Variants in THSD7A observed in about 807,000 individuals in gnomAD.
The protein encoded by THSD7A is thrombospondin type-1 domain-containing protein 7A.
Under a neutral mutation model 231.3 loss-of-function variants are expected in THSD7A, and 96 were observed. The ratio of observed to expected loss-of-function variants is 0.41; its 90% CI spans 0.35 to 0.49. THSD7A has a LOEUF of 0.49. Ranked by LOEUF, THSD7A falls within the 20% of genes least tolerant of loss-of-function variation. The pLI is 0.05. For synonymous variants in THSD7A, 940 were observed against 743.3 expected (o/e 1.26, Z -4.30); for missense variants, 2,290 against 2,070.2 (o/e 1.11, Z -2.06).
In THSD7A at chr7:11,742,194, C is replaced by T. The variant is rs1460007161; in HGVS notation, c.190+89563G>A. On this transcript the variant is annotated intron_variant, in intron 1 of 27. Coordinates refer to ENST00000423059, the MANE Select transcript of THSD7A (RefSeq NM_015204.3). ...CAGTGGAAGTTGTCATATTCAGAGGCAGTATAAGAACAGATATAAATGGAA... is the reference window on the plus strand; with the variant it reads ...CAGTGGAAGTTGTCATATTCAGAGGTAGTATAAGAACAGATATAAATGGAA... Among the ~76,000 whole-genome samples, 7 of 151,888 alleles carry T rather than the reference C, an allele frequency of 4.6e-5. No homozygotes were observed. In the South Asian group the frequency reaches 1.5e-3, roughly 31 times the overall value.
chr7:11,624,504 G>T (rs1781417893), intron 2 of THSD7A, among the ~76,000 whole-genome samples: 1 of 152,048 alleles, frequency 6.6e-6, no homozygotes, highest in African/African-American at 2.4e-5. Flanking sequence ...TAAAAATGAG[G>T]TTTGACTTGG....
chr7:11,740,092 T>G (rs1782056643), intron 1 of THSD7A, among the ~76,000 whole-genome samples: 2 of 151,956 alleles, frequency 1.3e-5, no homozygotes, highest in South Asian at 2.1e-4. Context: ...CTTGGACACA[T>G]AACTCTCCTA....
intron 2 of THSD7A, among the ~76,000 whole-genome samples, chr7:11,618,926 T>C (rs1208574774): frequency 6.6e-6 from 1 of 151,994 alleles, no homozygotes; most frequent in African/African-American, 2.4e-5. Context: ...AGTGGTAAGA[T>C]TTTAGGTGGC....
Position 11,424,789 on chromosome 7 carries a change from T to C in THSD7A, c.3290A>G (p.Tyr1097Cys), listed in dbSNP as rs759008172. The C allele has an allele frequency of 4.3e-6, 7 of 1,613,870 alleles. No individual in the cohort carries two copies. Among genetic ancestry groups the C allele is most frequent in the Non-Finnish European group, 5.1e-6 (6 of 1,179,894 alleles). Residue 1097 changes from tyrosine (Y) to cysteine (C), a missense_variant, in exon 16 of 28, where the codon TAC (tyrosine) becomes TGC (cysteine). Tyr to Cys is a radical substitution (Grantham distance 194, BLOSUM62 -2). Coordinates refer to ENST00000423059, the MANE Select transcript of THSD7A (RefSeq NM_015204.3). ...VVPCHSDCNQ[Y>C]LWVTEPWSIC... ...GCTCCAGGGCTCTGTGACCCATAGG[T>C]ACTGGTTGCAGTCACTGTGGCATGG...
chr7:11,757,141 G>A (rs779074354), intron 1 of THSD7A, among the ~76,000 whole-genome samples: 7 of 151,884 alleles, frequency 4.6e-5, no homozygotes, highest in South Asian at 2.1e-4. Context: ...CACTGCAAAC[G>A]TGAAGGTTAC....
chr7:11,665,684 CGGTCTTGGACAAAGATTGG>C (rs1783102500), intron 1 of THSD7A, among the ~76,000 whole-genome samples: 1 of 152,040 alleles, frequency 6.6e-6, no homozygotes, highest in Non-Finnish European at 1.5e-5. Flanking sequence ...GATAAAAGCA[CGGTCTTGGACAAAGATTGG>C]AGTCTGGCTC....
intron 23 of THSD7A, among the ~76,000 whole-genome samples, chr7:11,383,115 G>A (rs1468994495): frequency 6.6e-6 from 1 of 151,630 alleles, no homozygotes; most frequent in Admixed American, 6.6e-5. Flanking sequence ...TCTTTGCCAT[G>A]CTTTTAATTT....
chr7:11,685,080 A>G (rs2354968), intron 1 of THSD7A, among the ~76,000 whole-genome samples: 1,638 of 151,978 alleles, frequency 0.011, 33 homozygotes, highest in African/African-American at 0.037. Flanking sequence ...CACACCTCCA[A>G]CTAACAGATT....
Position 11,376,554 on chromosome 7 carries a change from T to C in THSD7A, c.4889+16A>G. 2 of 1,548,120 alleles carry C rather than the reference T, an allele frequency of 1.3e-6. No individual in the cohort carries two copies. The highest frequency in any genetic ancestry group is 1.8e-6 in the Non-Finnish European group (2 of 1,142,120). ...ATTAAGTATCTCTTTGGATTTTTAATTATTTAAACACTCACCAAGCTAGAT... is the reference window on the plus strand; with the variant it reads ...ATTAAGTATCTCTTTGGATTTTTAACTATTTAAACACTCACCAAGCTAGAT... On this transcript the variant is annotated intron_variant, in intron 27 of 27. Coordinates refer to ENST00000423059, the MANE Select transcript of THSD7A (RefSeq NM_015204.3).
intron 6 of THSD7A, among the ~76,000 whole-genome samples, chr7:11,527,849 G>C (rs760566585): frequency 6.6e-6 from 1 of 152,056 alleles, no homozygotes; most frequent in African/African-American, 2.4e-5. Context: ...AATGGCTTTA[G>C]GTAAGAATTA....
At chr7:11,548,172 G>A (rs1233655773) in intron 4 of THSD7A, among the ~76,000 whole-genome samples, 1 of 152,056 alleles carries the variant, frequency 6.6e-6, no homozygotes. Context: ...AATGACAAAG[G>A]TGACATAACC....
chr7:11,561,734 G>A (rs1234599516), intron 4 of THSD7A, among the ~76,000 whole-genome samples: 1 of 152,110 alleles, frequency 6.6e-6, no homozygotes, highest in South Asian at 2.1e-4. Flanking sequence ...GCCGGGCATG[G>A]TGGCACACTT....
intron 11 of THSD7A, among the ~76,000 whole-genome samples, chr7:11,459,062 C>T (rs907039333): frequency 6.6e-6 from 1 of 152,130 alleles, no homozygotes; most frequent in African/African-American, 2.4e-5. Flanking sequence ...CTTGTATTTC[C>T]TCCAGTGGTG....
At chr7:11,517,893 C>A (rs899512250) in intron 6 of THSD7A, among the ~76,000 whole-genome samples, 1 of 152,096 alleles carries the variant, frequency 6.6e-6, no homozygotes, top group Non-Finnish European at 1.5e-5. Context: ...CAAATCTTTC[C>A]GGACCACCCA....
chr7:11,567,060 G>A lies in THSD7A; in HGVS notation c.1453+23400C>T, dbSNP rs949725339. 2.8e-5 allele frequency among the ~76,000 whole-genome samples: 4 copies of A among 145,056 alleles called. No individual in the cohort carries two copies. In the South Asian group the frequency reaches 6.7e-4, roughly 24 times the overall value. ...GTTTGTTTTTAAGTATCTCCCTCCAGTCCTAACTTACTAAGTAAAAGCTAA... is the reference window on the plus strand; with the variant it reads ...GTTTGTTTTTAAGTATCTCCCTCCAATCCTAACTTACTAAGTAAAAGCTAA... On this transcript the variant is annotated intron_variant, in intron 4 of 27. Transcript: ENST00000423059.
chr7:11,822,226 T>C (rs1443654265), intron 1 of THSD7A, among the ~76,000 whole-genome samples: 2 of 152,136 alleles, frequency 1.3e-5, no homozygotes, highest in African/African-American at 4.8e-5. Flanking sequence ...AAATCTCCTT[T>C]GTCTATCATT....
chr7:11,473,508 C>G (rs1288278951), intron 8 of THSD7A, among the ~76,000 whole-genome samples: 1 of 152,096 alleles, frequency 6.6e-6, no homozygotes, highest in Non-Finnish European at 1.5e-5. Flanking sequence ...ACTCATTTAT[C>G]ATTTCATATC....
chr7:11,487,637 G>A (rs1165657812), intron 6 of THSD7A, among the ~76,000 whole-genome samples: 1 of 152,034 alleles, frequency 6.6e-6, no homozygotes, highest in Non-Finnish European at 1.5e-5. Context: ...GGCTGGAAAG[G>A]CCTCACAATC....
intron 4 of THSD7A, among the ~76,000 whole-genome samples, chr7:11,558,365 A>G (rs1789936020): frequency 6.6e-6 from 1 of 152,160 alleles, no homozygotes; most frequent in Non-Finnish European, 1.5e-5. Flanking sequence ...CTTTTATTAT[A>G]CAACTGGGAT....
Sources: gnomAD v4.1 joint callset for allele counts (sites outside exome capture counted in the v4.1 genomes callset) on GRCh38, gnomAD v4.1.1 for gene constraint, MANE v1.5 for transcripts, NCBI Gene and HGNC (gene_info 2026-07-23, HGNC 2026-07-21) for gene names.